NUDT3: variants seen among roughly 807,000 people sequenced by gnomAD.
The protein encoded by NUDT3 is diphosphoinositol polyphosphate phosphohydrolase 1.
NUDT3 carries 9 observed loss-of-function variants against 23.6 expected under a neutral mutation model. The observed-to-expected ratio is 0.38, with a 90% CI of 0.23 to 0.66. The LOEUF (loss-of-function observed/expected upper bound fraction) is 0.66, where lower values mean the gene tolerates loss of function less well. Ranked by LOEUF, NUDT3 falls within the 30% of genes least tolerant of loss-of-function variation. The probability of loss-of-function intolerance (pLI) is 0.52; values close to 1 mark genes in which losing one functional copy is unlikely to be tolerated. For synonymous variants in NUDT3, 86 were observed against 82.6 expected (o/e 1.04, Z -0.22); for missense variants, 172 against 218.5 (o/e 0.79, Z 1.34).
chr6:34,295,893 A>G (rs1398732350), intron 2 of NUDT3, among the ~76,000 whole-genome samples: 1 of 152,166 alleles, frequency 6.6e-6, no homozygotes, highest in Non-Finnish European at 1.5e-5. Flanking sequence ...GGAAGTTAGA[A>G]TGCCTTTCAT....
At chr6:34,308,119 C>CAAAA (rs533055608) in intron 2 of NUDT3, among the ~76,000 whole-genome samples, 2 of 60,136 alleles carry the variant, frequency 3.3e-5, no homozygotes, top group African/African-American at 7.3e-5. Context: ...AACTCTGTCT[C>CAAAA]AAAAAAAAAA....
chr6:34,316,522 A>T (rs556168102), intron 2 of NUDT3, among the ~76,000 whole-genome samples: 21 of 152,294 alleles, frequency 1.4e-4, no homozygotes, highest in Admixed American at 2.6e-4. Context: ...TGGACTTGCT[A>T]CTTCTAGTAT....
chr6:34,379,873 G>A (rs1000322385), intron 1 of NUDT3, among the ~76,000 whole-genome samples: 1 of 150,950 alleles, frequency 6.6e-6, no homozygotes, highest in Non-Finnish European at 1.5e-5. Flanking sequence ...CGGATGGGGT[G>A]GCACATGCCT....
intron 1 of NUDT3, among the ~76,000 whole-genome samples, chr6:34,385,870 G>A (rs567918836): frequency 7.2e-5 from 11 of 152,026 alleles, no homozygotes; most frequent in Admixed American, 1.3e-4. Flanking sequence ...TTTCAGTAAA[G>A]AGGGGGTTTC....
intron 1 of NUDT3, among the ~76,000 whole-genome samples, chr6:34,365,583 C>T (rs559618886): frequency 6.6e-6 from 1 of 152,124 alleles, no homozygotes; most frequent in Admixed American, 6.6e-5. Flanking sequence ...ATTATGATTC[C>T]ACTTATGAGA....
intron 1 of NUDT3, among the ~76,000 whole-genome samples, chr6:34,378,716 G>T (rs998797127): frequency 7.2e-5 from 11 of 152,336 alleles, no homozygotes; most frequent in African/African-American, 2.6e-4. Flanking sequence ...CCTCCAACTG[G>T]TGGAGCCTTA....
At chr6:34,370,588 AG>A (rs1171694588) in intron 1 of NUDT3, among the ~76,000 whole-genome samples, 1 of 152,244 alleles carries the variant, frequency 6.6e-6, no homozygotes, top group Non-Finnish European at 1.5e-5. Context: ...ACACTGGTTG[AG>A]CCAAATATGG....
chr6:34,361,254 T>C (rs1022284047), intron 1 of NUDT3, among the ~76,000 whole-genome samples: 14 of 152,206 alleles, frequency 9.2e-5, no homozygotes, highest in African/African-American at 3.1e-4. Context: ...CATATGCAGA[T>C]GGTAAATGAA....
chr6:34,391,863 G>A (rs1765206738), intron 1 of NUDT3, among the ~76,000 whole-genome samples: 1 of 150,516 alleles, frequency 6.6e-6, no homozygotes, highest in African/African-American at 2.4e-5. Context: ...CCTCGTGCAC[G>A]CCGGCCTCCG....
At chr6:34,351,741 C>CAAAAAAAA (rs1017090378) in intron 1 of NUDT3, among the ~76,000 whole-genome samples, 11 of 54,270 alleles carry the variant, frequency 2.0e-4, no homozygotes, top group Non-Finnish European at 2.6e-4. Flanking sequence ...AACTCTGTCT[C>CAAAAAAAA]AAAAAAAAAA....
rs1282677991 is a variant in NUDT3 at position 34,285,324 on chromosome 6, CCAGAGAGAAGA to C, written c.*3418_*3428del. 2.0e-5 allele frequency: 3 copies of C among 152,040 alleles called. No homozygotes were observed. The highest frequency in any genetic ancestry group is 2.0e-4 in the Admixed American group (3 of 15,274). 9.4% of individuals were successfully genotyped at this position (152,040 alleles called of 1,614,324 possible). ...CTTCTGTACATACACACACACACACCCAGAGAGAAGACAGAGAGAAAATCCTGGTCCAAAAG... is the reference window on the plus strand; with the variant it reads ...CTTCTGTACATACACACACACACACCCAGAGAGAAAATCCTGGTCCAAAAG... On this transcript the variant is annotated 3_prime_UTR_variant, in exon 5 of 5. Transcript: ENST00000607016.
At chr6:34,373,212 G>C (rs1764861949) in intron 1 of NUDT3, among the ~76,000 whole-genome samples, 1 of 150,426 alleles carries the variant, frequency 6.6e-6, no homozygotes, top group Admixed American at 6.7e-5. Context: ...CCAGGAGACG[G>C]AGTTTGCAGT....
At chr6:34,357,375 T>C (rs745769883) in intron 1 of NUDT3, among the ~76,000 whole-genome samples, 2 of 151,312 alleles carry the variant, frequency 1.3e-5, no homozygotes, top group Non-Finnish European at 2.9e-5. Flanking sequence ...CCTAGCACTT[T>C]GGGAGGCCAG....
At chr6:34,335,728 T>C (rs917206551) in intron 2 of NUDT3, among the ~76,000 whole-genome samples, 2 of 149,792 alleles carry the variant, frequency 1.3e-5, no homozygotes, top group African/African-American at 4.9e-5. Flanking sequence ...AAAAAAAAAG[T>C]GTTTTTTTCT....
intron 2 of NUDT3, among the ~76,000 whole-genome samples, chr6:34,334,370 G>A (rs1764174332): frequency 6.6e-6 from 1 of 152,198 alleles, no homozygotes; most frequent in African/African-American, 2.4e-5. Context: ...CAGGGGCGGT[G>A]GCTCACACCT....
At chr6:34,366,477 G>GAGGGA (rs1561920196) in intron 1 of NUDT3, among the ~76,000 whole-genome samples, 1 of 72,598 alleles carries the variant, frequency 1.4e-5, no homozygotes, top group African/African-American at 8.5e-5. Context: ...AGAGGGAAGG[G>GAGGGA]AGGGAGGGAG....
At chr6:34,359,111 T>C (rs200719605) in intron 1 of NUDT3, among the ~76,000 whole-genome samples, 4 of 152,140 alleles carry the variant, frequency 2.6e-5, no homozygotes, top group Non-Finnish European at 5.9e-5. Flanking sequence ...CGGTGGCTCA[T>C]GCCTGTAATC....
intron 2 of NUDT3, among the ~76,000 whole-genome samples, chr6:34,341,131 G>T (rs1764282146): frequency 6.6e-6 from 1 of 152,184 alleles, no homozygotes; most frequent in Non-Finnish European, 1.5e-5. Flanking sequence ...TGAGTTATGA[G>T]TCCTAAATGA....
intron 2 of NUDT3, among the ~76,000 whole-genome samples, chr6:34,309,815 C>G (rs1026304059): frequency 4.6e-5 from 7 of 152,042 alleles, no homozygotes; most frequent in African/African-American, 1.7e-4. Context: ...TATGAACAAC[C>G]CTGTGCCCAT....
Sources: gnomAD v4.1 joint callset for allele counts (sites outside exome capture counted in the v4.1 genomes callset) on GRCh38, gnomAD v4.1.1 for gene constraint, MANE v1.5 for transcripts, NCBI Gene and HGNC (gene_info 2026-07-23, HGNC 2026-07-21) for gene names.